ROR2: variants seen among roughly 807,000 people sequenced by gnomAD.
The protein encoded by ROR2 is tyrosine-protein kinase transmembrane receptor ROR2.
ROR2 carries 33 observed loss-of-function variants against 74.9 expected under a neutral mutation model. The ratio of observed to expected loss-of-function variants is 0.44; its 90% CI spans 0.33 to 0.59. ROR2 has a LOEUF of 0.59. Among genes scored for constraint, ROR2 ranks in the 20% least tolerant of loss-of-function variants. The probability of loss-of-function intolerance (pLI) is 0.02; values close to 1 mark genes in which losing one functional copy is unlikely to be tolerated. For missense variants in ROR2, 1,216 were observed against 1,313.8 expected (o/e 0.93, Z 1.15); for synonymous variants, 586 against 558.7 (o/e 1.05, Z -0.69).
Position 91,726,606 on chromosome 9 carries a change from G to T in ROR2, c.1321C>A (p.Arg441=). 6.2e-7 allele frequency: 1 copy of T among 1,613,820 alleles called. No homozygotes were observed. Among genetic ancestry groups the T allele is most frequent in the Non-Finnish European group, 8.5e-7 (1 of 1,180,030 alleles). ...KQKASASTPQ[R]RQLMASPSQD... ...CTGGGCGAGGCCATCAGCTGTCGCC[G>T]CTGCGGTGTGGACGCAGATGCCTTC... The change falls in exon 8 of 9, where the codon CGG becomes AGG. Residue 441 remains arginine, a synonymous_variant. Transcript: ENST00000375708.
At chr9:91,936,765 T>A (rs551761048) in intron 1 of ROR2, among the ~76,000 whole-genome samples, 2 of 152,132 alleles carry the variant, frequency 1.3e-5, no homozygotes, top group Admixed American at 1.3e-4. Context: ...GCGCGGTGGC[T>A]CACGCCTGTA....
At chr9:91,866,783 AC>A (rs1480548352) in intron 1 of ROR2, among the ~76,000 whole-genome samples, 1 of 152,192 alleles carries the variant, frequency 6.6e-6, no homozygotes, top group Non-Finnish European at 1.5e-5. Context: ...CATAAGGCTA[AC>A]AGCTACCATA....
intron 1 of ROR2, among the ~76,000 whole-genome samples, chr9:91,853,304 C>A (rs78044446): frequency 0.042 from 6,441 of 152,196 alleles, 186 homozygotes; most frequent in Middle Eastern, 0.12. Context: ...GAAAGGTGAC[C>A]GTGCTGTGAA....
chr9:91,746,286 C>A (rs1253691477), intron 4 of ROR2, among the ~76,000 whole-genome samples: 1 of 151,952 alleles, frequency 6.6e-6, no homozygotes, highest in Admixed American at 6.6e-5. Flanking sequence ...CAAGTTGGCC[C>A]GGCTGGTTTC....
At chr9:91,859,935 T>A (rs1174970323) in intron 1 of ROR2, among the ~76,000 whole-genome samples, 1 of 152,220 alleles carries the variant, frequency 6.6e-6, no homozygotes, top group Non-Finnish European at 1.5e-5. Context: ...CCCAGCCCCG[T>A]TGAGCCCACA....
chr9:91,880,965 A>G (rs1331866808), intron 1 of ROR2, among the ~76,000 whole-genome samples: 2 of 152,200 alleles, frequency 1.3e-5, no homozygotes, highest in Non-Finnish European at 2.9e-5. Context: ...TGTGATTTTC[A>G]TGATGGTTGT....
At chr9:91,812,949 C>T (rs895973259) in intron 1 of ROR2, among the ~76,000 whole-genome samples, 8 of 152,050 alleles carry the variant, frequency 5.3e-5, no homozygotes, top group African/African-American at 1.9e-4. Context: ...GTCTCCTTAC[C>T]GTAGAATTCA....
chr9:91,929,964 G>A (rs964517370), intron 1 of ROR2, among the ~76,000 whole-genome samples: 1 of 152,050 alleles, frequency 6.6e-6, no homozygotes, highest in African/African-American at 2.4e-5. Context: ...TTCATTCCCA[G>A]ATCTGTGTCC....
chr9:91,851,406 A>G (rs1829087615), intron 1 of ROR2, among the ~76,000 whole-genome samples: 1 of 152,006 alleles, frequency 6.6e-6, no homozygotes, highest in African/African-American at 2.4e-5. Flanking sequence ...CATATATTCC[A>G]TAGGTCTGTG....
chr9:91,914,217 C>T (rs1366371288), intron 1 of ROR2, among the ~76,000 whole-genome samples: 1 of 152,124 alleles, frequency 6.6e-6, no homozygotes, highest in Non-Finnish European at 1.5e-5. Context: ...AGCCACGGGG[C>T]CATCCTATCA....
Position 91,756,743 on chromosome 9 carries a change from C to CTTT in ROR2, c.463+526_463+528dup, listed in dbSNP as rs557043787. Among the ~76,000 whole-genome samples the CTTT allele has an allele frequency of 2.0e-3, 207 of 104,052 alleles. 1 individual carries two copies. Among genetic ancestry groups the CTTT allele is most frequent in the Non-Finnish European group, 3.1e-3 (162 of 52,188 alleles). The allele number at this position is 104,052 out of a possible 152,430, so 68.3% of individuals were successfully genotyped here. A position where few individuals can be genotyped will look rare whatever the true frequency, so the allele number is the denominator to read the frequency against. ...TCTGCACCTATTTTCTTTTTGTTCT[C>CTTT]TTTTTTTTTTTTTTTTTTTTTTTTG... On this transcript the variant is annotated intron_variant, in intron 3 of 8. Transcript: ENST00000375708.
At chr9:91,740,899 C>G (rs1052264739) in intron 4 of ROR2, among the ~76,000 whole-genome samples, 1 of 152,106 alleles carries the variant, frequency 6.6e-6, no homozygotes, top group Admixed American at 6.5e-5. Flanking sequence ...GTGTGGAAAT[C>G]CCCTGCCCCT....
chr9:91,727,401 A>ATTT (rs11436642), intron 7 of ROR2, among the ~76,000 whole-genome samples: 1 of 145,850 alleles, frequency 6.9e-6, no homozygotes. Flanking sequence ...CCTTCCCTGC[A>ATTT]TTTTTTTTTT....
At chr9:91,770,191 G>A (rs183242736) in intron 2 of ROR2, among the ~76,000 whole-genome samples, 35 of 152,308 alleles carry the variant, frequency 2.3e-4, no homozygotes, top group African/African-American at 7.5e-4. Flanking sequence ...ACTGCACCAC[G>A]CTCCCCTGTG....
intron 1 of ROR2, among the ~76,000 whole-genome samples, chr9:91,911,359 C>T (rs952889114): frequency 1.3e-5 from 2 of 152,212 alleles, no homozygotes; most frequent in Non-Finnish European, 2.9e-5. Context: ...TAACCCTGTA[C>T]AGCATGTGAC....
At chr9:91,852,626 C>CAA (rs1322880480) in intron 1 of ROR2, among the ~76,000 whole-genome samples, 1 of 39,894 alleles carries the variant, frequency 2.5e-5, no homozygotes, top group Non-Finnish European at 1.1e-4. Context: ...AACACACAAA[C>CAA]ACACACACAC....
rs576314726 is a variant in ROR2, at chr9:91,746,086, A to T, written c.495-8568T>A. ...TTTTTGTTTGTTTATTTATTTATTT[A>T]TTTTTTAAAACATGGAGTCTCGCTC... is the stretch of plus-strand genomic sequence containing the variant. On this transcript the variant is annotated intron_variant, in intron 4 of 8. Transcript: ENST00000375708. Among the ~76,000 whole-genome samples, 3 of 151,806 alleles carry T rather than the reference A, an allele frequency of 2.0e-5. No individual in the cohort carries two copies. The South Asian group carries it at 6.3e-4, about 32-fold the overall frequency.
chr9:91,926,805 A>T (rs549501425), intron 1 of ROR2, among the ~76,000 whole-genome samples: 37 of 152,282 alleles, frequency 2.4e-4, no homozygotes, highest in Admixed American at 1.0e-3. Flanking sequence ...ACATAGAGAC[A>T]GAAAGGAGAA....
At chr9:91,788,669 A>C (rs1031507409) in intron 1 of ROR2, among the ~76,000 whole-genome samples, 14 of 152,134 alleles carry the variant, frequency 9.2e-5, no homozygotes, top group African/African-American at 3.4e-4. Context: ...GTTCAAGACC[A>C]GCCTGGCCAA....
Sources: allele counts gnomAD v4.1 joint callset (sites outside exome capture counted in the v4.1 genomes callset), GRCh38; gene constraint gnomAD v4.1.1; transcripts MANE v1.5; gene names NCBI Gene and HGNC (gene_info 2026-07-23, HGNC 2026-07-21).